Variants in LSAMP observed in about 807,000 individuals in gnomAD.
LSAMP encodes the protein limbic system associated membrane protein, also known as limbic system-associated membrane protein.
In LSAMP, 7 loss-of-function variants were observed where a neutral mutation model predicts 38.6. The observed-to-expected ratio is 0.18, with a 90% CI of 0.10 to 0.34. LSAMP has a LOEUF of 0.34. LSAMP is among the 10% of genes least tolerant of loss of function. LSAMP has a pLI of 1.00. For synonymous variants in LSAMP, 154 were observed against 166.8 expected, an observed-to-expected ratio of 0.92 and a Z score of 0.59; for missense variants, 313 against 420.0, an observed-to-expected ratio of 0.75 and a Z score of 2.23.
chr3:115,974,627 T>G (rs1363585018), intron 3 of LSAMP, among the ~76,000 whole-genome samples: 1 of 152,158 alleles, frequency 6.6e-6, no homozygotes, highest in Non-Finnish European at 1.5e-5. Context: ...GTGCCCAAAT[T>G]TTCATTTCAC....
chr3:115,839,409 A>T (rs1330777120), intron 6 of LSAMP, among the ~76,000 whole-genome samples: 3 of 151,726 alleles, frequency 2.0e-5, no homozygotes, highest in African/African-American at 7.3e-5. Flanking sequence ...TGCAGGTTGT[A>T]ACAATAGACC....
intron 6 of LSAMP, among the ~76,000 whole-genome samples, chr3:115,840,550 T>C (rs918350536): frequency 1.3e-5 from 2 of 152,228 alleles, no homozygotes; most frequent in African/African-American, 4.8e-5. Flanking sequence ...AGCATTTGTA[T>C]AACTGTATCT....
intron 3 of LSAMP, among the ~76,000 whole-genome samples, chr3:115,934,745 A>T (rs1276008533): frequency 1.3e-5 from 2 of 152,164 alleles, no homozygotes; most frequent in Non-Finnish European, 2.9e-5. Flanking sequence ...TTTGTGACTG[A>T]CCAGATTTGA....
intron 1 of LSAMP, among the ~76,000 whole-genome samples, chr3:116,224,847 C>T (rs1326319628): frequency 6.6e-6 from 1 of 152,232 alleles, no homozygotes; most frequent in Non-Finnish European, 1.5e-5. Flanking sequence ...CCAAATGACT[C>T]TCTATTTTGG....
intron 1 of LSAMP, among the ~76,000 whole-genome samples, chr3:116,336,344 A>G (rs978380062): frequency 1.3e-5 from 2 of 152,048 alleles, no homozygotes; most frequent in Non-Finnish European, 2.9e-5. Flanking sequence ...ATGGTAGAAA[A>G]TACTTGCAAT....
At chr3:116,249,875 G>A (rs1220417119) in intron 1 of LSAMP, among the ~76,000 whole-genome samples, 3 of 151,976 alleles carry the variant, frequency 2.0e-5, no homozygotes, top group Admixed American at 6.6e-5. Flanking sequence ...ATATCATACT[G>A]TCAAAAACTC....
intron 1 of LSAMP, among the ~76,000 whole-genome samples, chr3:116,116,532 TAAAAA>T (rs386397689): frequency 9.0e-6 from 1 of 110,818 alleles, no homozygotes; most frequent in Admixed American, 9.7e-5. Context: ...CCATCTCTAC[TAAAAA>T]AAAAAAAAAA....
chr3:116,129,249 A>G (rs76801797), intron 1 of LSAMP, among the ~76,000 whole-genome samples: 3,511 of 152,296 alleles, frequency 0.023, 130 homozygotes, highest in African/African-American at 0.081. Flanking sequence ...TGAACTTTCT[A>G]TTGCGTACAC....
At chr3:116,222,715 C>A (rs1177948179) in intron 1 of LSAMP, among the ~76,000 whole-genome samples, 2 of 131,662 alleles carry the variant, frequency 1.5e-5, no homozygotes, top group Non-Finnish European at 3.1e-5. Flanking sequence ...ACCTTTCATC[C>A]TCTCCTTTTT....
intron 3 of LSAMP, among the ~76,000 whole-genome samples, chr3:115,961,466 T>C (rs1938623557): frequency 6.6e-6 from 1 of 152,206 alleles, no homozygotes; most frequent in Non-Finnish European, 1.5e-5. Context: ...TTTGTTTTTT[T>C]CCCCTCTTAG....
At chr3:116,174,586 A>G (rs1396912237) in intron 1 of LSAMP, among the ~76,000 whole-genome samples, 1 of 151,948 alleles carries the variant, frequency 6.6e-6, no homozygotes, top group African/African-American at 2.4e-5. Context: ...TGCTCATCAA[A>G]TCTAGCCATA....
intron 3 of LSAMP, among the ~76,000 whole-genome samples, chr3:115,981,073 C>G (rs922949546): frequency 6.6e-6 from 1 of 152,084 alleles, no homozygotes; most frequent in Non-Finnish European, 1.5e-5. Flanking sequence ...ACCTCATAAA[C>G]TATAACCCAG....
Position 116,015,913 on chromosome 3 carries a change from A to G in LSAMP, c.514+3602T>C, listed in dbSNP as rs573589093. ...AGAATCTTCCCCTATCCAGGGCTCA[A>G]TATCCCTGTGGGGTCGAGTTAATTA... On this transcript the variant is annotated intron_variant, in intron 3 of 6. Coordinates refer to ENST00000490035, the MANE Select transcript of LSAMP (RefSeq NM_002338.5). Among the ~76,000 whole-genome samples the G allele has an allele frequency of 6.6e-5, 10 of 152,268 alleles. No individual in the cohort carries two copies. The South Asian group carries it at 2.1e-3, about 32-fold the overall frequency.
intron 1 of LSAMP, among the ~76,000 whole-genome samples, chr3:116,252,634 A>G (rs2107649944): frequency 6.6e-6 from 1 of 152,336 alleles, no homozygotes; most frequent in Admixed American, 6.5e-5. Context: ...AAGTGACTAA[A>G]CATTTTTAAT....
At chr3:116,189,422 C>A (rs1396875957) in intron 1 of LSAMP, among the ~76,000 whole-genome samples, 1 of 152,208 alleles carries the variant, frequency 6.6e-6, no homozygotes. Context: ...ATCAAGGCTT[C>A]CTCTGGGTCT....
chr3:116,268,313 G>T (rs1287209734), intron 1 of LSAMP, among the ~76,000 whole-genome samples: 1 of 152,002 alleles, frequency 6.6e-6, no homozygotes, highest in East Asian at 1.9e-4. Flanking sequence ...CACCACAAAT[G>T]CTCCTCTGCC....
intron 1 of LSAMP, among the ~76,000 whole-genome samples, chr3:116,223,663 T>G (rs1251062444): frequency 6.6e-6 from 1 of 152,216 alleles, no homozygotes; most frequent in Non-Finnish European, 1.5e-5. Context: ...GTGGTGATAC[T>G]GTAGGTCATT....
intron 3 of LSAMP, among the ~76,000 whole-genome samples, chr3:115,947,722 C>A (rs1331403383): frequency 6.6e-6 from 1 of 152,112 alleles, no homozygotes; most frequent in African/African-American, 2.4e-5. Context: ...ATAACCCATG[C>A]TGAAAGACTC....
intron 2 of LSAMP, among the ~76,000 whole-genome samples, chr3:116,084,883 G>T (rs1337182453): frequency 6.6e-6 from 1 of 151,810 alleles, no homozygotes; most frequent in Non-Finnish European, 1.5e-5. Flanking sequence ...TCTGTTCTAA[G>T]TGATCCTAAG....
Sources: allele counts gnomAD v4.1 joint callset (sites outside exome capture counted in the v4.1 genomes callset), GRCh38; gene constraint gnomAD v4.1.1; transcripts MANE v1.5; gene names NCBI Gene and HGNC (gene_info 2026-07-23, HGNC 2026-07-21).